Variants in SAA4 observed in about 807,000 individuals in gnomAD.
The protein encoded by SAA4 is serum amyloid A-4 protein.
SAA4 carries 8 observed loss-of-function variants against 11.2 expected under a neutral mutation model. That is an observed-to-expected ratio of 0.71 (90% confidence interval 0.42 to 1.29). SAA4 has a LOEUF of 1.29. Among genes scored for constraint, SAA4 ranks in the 50% most tolerant of loss-of-function variants. The probability of loss-of-function intolerance (pLI) is 0.01; values close to 1 mark genes in which losing one functional copy is unlikely to be tolerated. For synonymous variants in SAA4, 60 were observed against 56.2 expected (o/e 1.07, Z -0.30); for missense variants, 171 against 164.2 (o/e 1.04, Z -0.23).
intron 3 of SAA4, 52 bp downstream of exon 3, chr11:18,232,343 G>C (rs375393966): frequency 1.3e-6 from 2 of 1,596,972 alleles, no homozygotes; most frequent in Non-Finnish European, 8.5e-7. Flanking sequence ...TGACTCTCAA[G>C]ACAGATAGGC....
At chr11:18,234,535 T>G (rs1334453601) in intron 2 of SAA4, among the ~76,000 whole-genome samples, 2 of 152,232 alleles carry the variant, frequency 1.3e-5, no homozygotes, top group African/African-American at 4.8e-5. Flanking sequence ...CAATAAATAT[T>G]TTTGAGTTCT....
At position 18,235,889 on chromosome 11, in the gene SAA4, A is replaced by G. The variant is rs1857201035; in HGVS notation, c.38T>C (p.Val13Ala). Residue 13 changes from valine to alanine, a missense_variant, in exon 2 of 4, where the codon GTC (valine) becomes GCC (alanine). Physicochemically the swap from Val to Ala is moderately conservative, Grantham distance 64. Transcript: ENST00000278222. Reference protein sequence around the residue: ...LFTGIVFCSLVMGVTSESWRS... With the variant: ...LFTGIVFCSLAMGVTSESWRS... ...CCAGCTTTCACTGGTGACTCCCATGACCAAGGAGCAGAAAACAATGCCTGT... is the reference window on the plus strand; with the variant it reads ...CCAGCTTTCACTGGTGACTCCCATGGCCAAGGAGCAGAAAACAATGCCTGT... 3.7e-6 allele frequency: 6 copies of G among 1,613,768 alleles called. No individual in the cohort carries two copies. The East Asian group carries it at 1.3e-4, about 36-fold the overall frequency.
chr11:18,236,621 AAC>A (rs1857218291), intron 1 of SAA4, 94 bp downstream of exon 1: 2 of 152,316 alleles, frequency 1.3e-5, no homozygotes, highest in African/African-American at 2.4e-5. Flanking sequence ...TGAGGTAGAA[AAC>A]ACAGTTTCTC....
chr11:18,235,993 G>T, intron 1 of SAA4, 63 bp from the exon 2 acceptor site: 4 of 1,426,896 alleles, frequency 2.8e-6, no homozygotes, highest in South Asian at 1.3e-5. Context: ...ATGTTTTGAG[G>T]ACTGAATTTC....
chr11:18,234,306 G>C (rs1332713989), intron 2 of SAA4, among the ~76,000 whole-genome samples: 1 of 152,202 alleles, frequency 6.6e-6, no homozygotes, highest in Admixed American at 6.5e-5. Context: ...GGGCATGAGA[G>C]ACCCATCCGG....
At chr11:18,236,406 T>C (rs1172115213) in intron 1 of SAA4, among the ~76,000 whole-genome samples, 3 of 152,168 alleles carry the variant, frequency 2.0e-5, no homozygotes, top group African/African-American at 7.2e-5. Flanking sequence ...CATTTGTTTG[T>C]ATGAGAATCA....
chr11:18,231,735 G>A, intron 3 of SAA4, 71 bp from the exon 4 acceptor site: 3 of 1,518,924 alleles, frequency 2.0e-6, no homozygotes, highest in Non-Finnish European at 2.6e-6. Flanking sequence ...AGCTCCACCT[G>A]CTAACTCCCT....
chr11:18,236,011 T>C, intron 1 of SAA4, 81 bp from the exon 2 acceptor site: 1 of 1,305,126 alleles, frequency 7.7e-7, no homozygotes, highest in Non-Finnish European at 1.0e-6. Context: ...TTCTTTCCTT[T>C]TTTTCTTTCT....
rs1857131290 is a variant in SAA4, at chr11:18,231,402, G to C, written c.*100C>G. 2 of 1,524,174 alleles carry C rather than the reference G, an allele frequency of 1.3e-6. No homozygotes were observed. The highest frequency in any genetic ancestry group is 1.4e-5 in the African/African-American group (1 of 71,802). The allele number at this position is 1,524,174 out of a possible 1,614,324, so 94.4% of individuals were successfully genotyped here. The stretch of plus-strand genomic sequence containing the variant: ...GAACACCTCTAGGTGCCCTATACCA[G>C]TTCCTGGGGACACAAAGCTCAGTGA... On this transcript the variant is annotated 3_prime_UTR_variant, in exon 4 of 4. Coordinates refer to ENST00000278222, the MANE Select transcript of SAA4 (RefSeq NM_006512.4).
At chr11:18,234,192 T>C (rs1857178210) in intron 2 of SAA4, among the ~76,000 whole-genome samples, 1 of 152,228 alleles carries the variant, frequency 6.6e-6, no homozygotes, top group Admixed American at 6.5e-5. Flanking sequence ...AAAGACATAT[T>C]CTGTATGATT....
At position 18,231,459 on chromosome 11, in the gene SAA4, T is replaced by C. The variant is rs1857132554; in HGVS notation, c.*43A>G. On this transcript the variant is annotated 3_prime_UTR_variant, in exon 4 of 4. Coordinates refer to ENST00000278222, the MANE Select transcript of SAA4 (RefSeq NM_006512.4). ...GTCCCTGTCTGGGGGGAGAAGTGTG[T>C]GGCTCACAGCCCAGTTTCCCTGAGA... 6 of 1,593,488 alleles carry C rather than the reference T, an allele frequency of 3.8e-6. No homozygotes were observed. Among genetic ancestry groups the C allele is most frequent in the Non-Finnish European group, 5.1e-6 (6 of 1,171,702 alleles).
At position 18,232,533 on chromosome 11, in the gene SAA4, C is replaced by G. The variant is rs752204172; in HGVS notation, c.92G>C (p.Gly31Ala). 2 of 1,609,012 alleles carry G rather than the reference C, an allele frequency of 1.2e-6. No homozygotes were observed. Among genetic ancestry groups the G allele is most frequent in the Non-Finnish European group, 1.7e-6 (2 of 1,177,822 alleles). ...WRSFFKEALQ[G>A]VGDMGRAYWD... ...ATAGGCTCTGCCCATGTCCCCAACCCCTGGAAAGAAAAAAAATGACAAAAA... is the reference window on the plus strand; with the variant it reads ...ATAGGCTCTGCCCATGTCCCCAACCGCTGGAAAGAAAAAAAATGACAAAAA... Residue 31 changes from glycine to alanine, a missense_variant and splice_region_variant, in exon 3 of 4, where the codon GGG becomes GCG. By Grantham distance (60) the Gly-to-Ala change is moderately conservative. Transcript: ENST00000278222.
chr11:18,232,227 C>T (rs567716006), intron 3 of SAA4, among the ~76,000 whole-genome samples, 168 bp downstream of exon 3: 28 of 152,252 alleles, frequency 1.8e-4, no homozygotes, highest in Admixed American at 2.0e-4. Flanking sequence ...TTCTTACTTT[C>T]CCTTGTGGGT....
chr11:18,235,412 T>C (rs1199595787), intron 2 of SAA4, among the ~76,000 whole-genome samples: 2 of 152,130 alleles, frequency 1.3e-5, no homozygotes, highest in East Asian at 1.9e-4. Flanking sequence ...ATCCCAAGCA[T>C]TGGCCATTTG....
chr11:18,235,933 GAA>G lies in SAA4; in HGVS notation c.-4-5_-4-4del. The G allele has an allele frequency of 6.2e-7, 1 of 1,606,512 alleles. No individual in the cohort carries two copies. ...TGCCTGTGAAAAGCCTCATTGTGCT[GAA>G]GAGAAAGAAAGACAGGGGCAGAGGA... On this transcript the variant is annotated splice_region_variant and splice_polypyrimidine_tract_variant and intron_variant, in intron 1 of 3. Coordinates refer to ENST00000278222, the MANE Select transcript of SAA4 (RefSeq NM_006512.4).
Position 18,231,681 on chromosome 11 carries a change from G to T in SAA4, c.231-17C>A, listed in dbSNP as rs754431330. On this transcript the variant is annotated splice_polypyrimidine_tract_variant and intron_variant, in intron 3 of 3. Coordinates refer to ENST00000278222, the MANE Select transcript of SAA4 (RefSeq NM_006512.4). Reference sequence around the variant, plus strand: ...CTGGAACGGCTGCAACCCAAAGAAAGGAGACAGGAGATTAATCTCTTGACT... The same window carrying T: ...CTGGAACGGCTGCAACCCAAAGAAATGAGACAGGAGATTAATCTCTTGACT... 2 of 1,602,998 alleles carry T rather than the reference G, an allele frequency of 1.2e-6. No homozygotes were observed. The highest frequency in any genetic ancestry group is 1.7e-6 in the Non-Finnish European group (2 of 1,175,072).
At chr11:18,235,048 T>A (rs1857189939) in intron 2 of SAA4, among the ~76,000 whole-genome samples, 1 of 152,236 alleles carries the variant, frequency 6.6e-6, no homozygotes, top group Non-Finnish European at 1.5e-5. Context: ...AGATATTCTC[T>A]ACTATGTGCA....
intron 2 of SAA4, among the ~76,000 whole-genome samples, chr11:18,235,131 G>A: frequency 6.6e-6 from 1 of 152,038 alleles, no homozygotes; most frequent in Non-Finnish European, 1.5e-5. Context: ...AGCACAAAAT[G>A]CAGAAAAAAT....
chr11:18,235,909 G>T lies in SAA4; in HGVS notation c.18C>A (p.Gly6=). 6.2e-7 allele frequency: 1 copy of T among 1,613,228 alleles called. No homozygotes were observed. The highest frequency in any genetic ancestry group is 8.5e-7 in the Non-Finnish European group (1 of 1,179,610). MRLFT[G]IVFCSLVMGV... is the part of the protein sequence containing the mutation. Reference sequence around the variant, plus strand: ...CCATGACCAAGGAGCAGAAAACAATGCCTGTGAAAAGCCTCATTGTGCTGA... The same window carrying T: ...CCATGACCAAGGAGCAGAAAACAATTCCTGTGAAAAGCCTCATTGTGCTGA... Residue 6 remains glycine (G), a synonymous_variant, in exon 2 of 4, where the codon GGC becomes GGA. Transcript: ENST00000278222.
Sources: allele counts gnomAD v4.1 joint callset (sites outside exome capture counted in the v4.1 genomes callset), GRCh38; gene constraint gnomAD v4.1.1; transcripts MANE v1.5; gene names NCBI Gene and HGNC (gene_info 2026-07-23, HGNC 2026-07-21).